The following MBD2 variants were observed in gnomAD, a reference collection of about 807,000 sequenced individuals.
The protein encoded by MBD2 is methyl-CpG binding domain protein 2.
MBD2 carries 9 observed loss-of-function variants against 39.3 expected under a neutral mutation model. The observed-to-expected ratio is 0.23, with a 90% CI of 0.14 to 0.40. MBD2 has a LOEUF of 0.40. MBD2 is among the 10% of genes least tolerant of loss of function. The pLI is 1.00. For missense variants in MBD2, 458 were observed against 532.6 expected (o/e 0.86, Z 1.38); for synonymous variants, 233 against 211.1 (o/e 1.10, Z -0.90).
chr18:54,219,943 G>A (rs547706741), intron 1 of MBD2, among the ~76,000 whole-genome samples: 1 of 152,326 alleles, frequency 6.6e-6, no homozygotes, highest in South Asian at 2.1e-4. Flanking sequence ...TGGGACTACA[G>A]GCATCTGCCA....
chr18:54,169,410 C>T (rs2086162882), intron 3 of MBD2, among the ~76,000 whole-genome samples: 1 of 151,010 alleles, frequency 6.6e-6, no homozygotes, highest in African/African-American at 2.5e-5. Flanking sequence ...GGCCTCAGTG[C>T]TTCAGAGGGA....
intron 1 of MBD2, chr18:54,222,345 G>GT (rs2086622208): frequency 1.9e-6 from 1 of 518,172 alleles, no homozygotes; most frequent in African/African-American, 1.9e-5. Flanking sequence ...GCCAACAAAG[G>GT]TTTTCTCTCA....
chr18:54,224,668 A>C lies in MBD2; in HGVS notation c.-109T>G, dbSNP rs1292122176. ...CGCGCGGGGGACGCGCGCAAGCATC[A>C]TAGAGCGGGCGCGCACAGAGCGGCC... On this transcript the variant is annotated 5_prime_UTR_variant, in exon 1 of 7. The change abolishes an upstream ATG in the 5' untranslated region. Coordinates refer to ENST00000256429, the MANE Select transcript of MBD2 (RefSeq NM_003927.5). 1 of 812,352 alleles carries C rather than the reference A, an allele frequency of 1.2e-6. No homozygotes were observed. Among genetic ancestry groups the C allele is most frequent in the African/African-American group, 1.8e-5 (1 of 56,234 alleles). 50.3% of individuals were successfully genotyped at this position (812,352 alleles called of 1,614,324 possible).
intron 1 of MBD2, among the ~76,000 whole-genome samples, chr18:54,220,487 A>C (rs1186752977): frequency 6.6e-6 from 1 of 152,210 alleles, no homozygotes; most frequent in Non-Finnish European, 1.5e-5. Flanking sequence ...TTTCTCGATG[A>C]GCTTAATTTC....
chr18:54,179,403 T>A (rs1418033551), intron 3 of MBD2, among the ~76,000 whole-genome samples: 1 of 152,234 alleles, frequency 6.6e-6, no homozygotes, highest in East Asian at 1.9e-4. Flanking sequence ...AGAAGCAAAT[T>A]ACAAGAAAAG....
At chr18:54,161,446 C>A (rs1432223721) in intron 5 of MBD2, among the ~76,000 whole-genome samples, 1 of 152,168 alleles carries the variant, frequency 6.6e-6, no homozygotes, top group Non-Finnish European at 1.5e-5. Flanking sequence ...CAGTTAGTCT[C>A]ACCTCTGGGT....
chr18:54,177,545 A>G (rs1236029864), intron 3 of MBD2, among the ~76,000 whole-genome samples: 1 of 151,704 alleles, frequency 6.6e-6, no homozygotes, highest in African/African-American at 2.4e-5. Context: ...CAGTGGCGCG[A>G]TCTCGGCTCA....
Position 54,166,149 on chromosome 18 carries a change from C to T in MBD2, c.858G>A (p.Arg286=), listed in dbSNP as rs141730932. Residue 286 remains arginine, a synonymous_variant, in exon 4 of 7, where the codon AGG becomes AGA. Coordinates refer to ENST00000256429, the MANE Select transcript of MBD2 (RefSeq NM_003927.5). ...CATCTGATGCACTAAGTCCTTGTAGCCTCTTCTCCCAGAAAAGCTGTAAGG... is the reference window on the plus strand; with the variant it reads ...CATCTGATGCACTAAGTCCTTGTAGTCTCTTCTCCCAGAAAAGCTGTAAGG... ...EQPRQLFWEK[R]LQGLSASDVT... 1 of 1,613,232 alleles carries T rather than the reference C, an allele frequency of 6.2e-7. No individual in the cohort carries two copies. The highest frequency in any genetic ancestry group is 1.3e-5 in the African/African-American group (1 of 75,020).
At chr18:54,222,621 C>A (rs2086625228) in intron 1 of MBD2, among the ~76,000 whole-genome samples, 1 of 152,190 alleles carries the variant, frequency 6.6e-6, no homozygotes, top group Non-Finnish European at 1.5e-5. Context: ...TTACTACCTT[C>A]TTATGTTTAA....
At chr18:54,180,897 C>CTTTTTTTTTTTTTTTTT (rs1211071727) in intron 3 of MBD2, among the ~76,000 whole-genome samples, 16 of 105,366 alleles carry the variant, frequency 1.5e-4, no homozygotes, top group African/African-American at 5.0e-4. Flanking sequence ...TTAATTTTTT[C>CTTTTTTTTTTTTTTTTT]TTTTTCTTTT....
intron 1 of MBD2, 107 bp from the exon 2 acceptor site, chr18:54,205,264 A>G (rs2086439592): frequency 2.0e-6 from 2 of 1,016,064 alleles, no homozygotes; most frequent in East Asian, 2.6e-5. Flanking sequence ...CTAATTTTAC[A>G]TATTTTTAAA....
intron 6 of MBD2, among the ~76,000 whole-genome samples, chr18:54,156,312 G>C (rs970062451): frequency 2.6e-5 from 4 of 152,104 alleles, no homozygotes; most frequent in Admixed American, 6.5e-5. Flanking sequence ...TTCTCAAGTT[G>C]GGAAGATAAC....
intron 3 of MBD2, among the ~76,000 whole-genome samples, chr18:54,172,857 TG>T (rs2086187689): frequency 6.6e-6 from 1 of 152,310 alleles, no homozygotes; most frequent in Non-Finnish European, 1.5e-5. Flanking sequence ...CTATATCGAA[TG>T]GGACAATATA....
Position 54,155,192 on chromosome 18 carries a change from G to T in MBD2, c.*132C>A, listed in dbSNP as rs1037512670. On this transcript the variant is annotated 3_prime_UTR_variant, in exon 7 of 7. Coordinates refer to ENST00000256429, the MANE Select transcript of MBD2 (RefSeq NM_003927.5). ...AATACATCTAAAAAGGCATTGGTTAGTGCTATTAAAAAGCTCTATGTGCTC... is the reference window on the plus strand; with the variant it reads ...AATACATCTAAAAAGGCATTGGTTATTGCTATTAAAAAGCTCTATGTGCTC... 1 of 152,168 alleles carries T rather than the reference G, an allele frequency of 6.6e-6. No individual in the cohort carries two copies. The highest frequency in any genetic ancestry group is 6.6e-5 in the Admixed American group (1 of 15,256). 9.4% of individuals were successfully genotyped at this position (152,168 alleles called of 1,614,324 possible). A position where few individuals can be genotyped will look rare whatever the true frequency, so the allele number is the denominator to read the frequency against.
At chr18:54,203,272 C>T in intron 2 of MBD2, 1 of 819,324 alleles carries the variant, frequency 1.2e-6, no homozygotes, top group Non-Finnish European at 1.8e-6. Flanking sequence ...ATACTGAAGC[C>T]CCTTTTATAG....
chr18:54,176,983 AAATTTTGCCATG>A (rs1445513459), intron 3 of MBD2, among the ~76,000 whole-genome samples: 1 of 152,202 alleles, frequency 6.6e-6, no homozygotes, highest in Non-Finnish European at 1.5e-5. Context: ...TTGTTTGACT[AAATTTTGCCATG>A]AATACTCTCT....
At position 54,205,101 on chromosome 18, in the gene MBD2, G is replaced by A. The variant is rs2086438524; in HGVS notation, c.599C>T (p.Thr200Ile). The A allele has an allele frequency of 1.2e-6, 2 of 1,613,934 alleles. No individual in the cohort carries two copies. Among genetic ancestry groups the A allele is most frequent in the South Asian group, 1.1e-5 (1 of 91,052 alleles). Residue 200 changes from threonine (T) to isoleucine (I), a missense_variant, in exon 2 of 7, where the codon ACT becomes ATT. Thr to Ile is a moderately conservative substitution (Grantham distance 89, BLOSUM62 -1). Around this residue, in one of 2 missense-constraint regions of MBD2, gnomAD observed 189 missense variants for 296.6 expected, o/e 0.64. Transcript: ENST00000256429. ...KPQLARYLGN[T>I]VDLSSFDFRT... ...GAAGTCAAAACTGCTGAGATCAACA[G>A]TATTTCCCAGGTACCTTGCCAACTG...
intron 1 of MBD2, among the ~76,000 whole-genome samples, chr18:54,207,287 C>T (rs2086458369): frequency 6.6e-6 from 1 of 152,160 alleles, no homozygotes; most frequent in Non-Finnish European, 1.5e-5. Flanking sequence ...CAACATCCTG[C>T]CTATCAAAAA....
intron 3 of MBD2, among the ~76,000 whole-genome samples, chr18:54,175,632 T>G (rs746611103): frequency 1.3e-5 from 2 of 152,208 alleles, no homozygotes; most frequent in African/African-American, 4.8e-5. Context: ...AAGCCATCTT[T>G]ATCTTCCCCT....
Sources: gnomAD v4.1 joint callset for allele counts (sites outside exome capture counted in the v4.1 genomes callset) on GRCh38, gnomAD v4.1.1 for gene constraint, gnomAD v4.1.1 regional missense constraint, MANE v1.5 for transcripts, NCBI Gene and HGNC (gene_info 2026-07-23, HGNC 2026-07-21) for gene names.